Variants in NSMCE2 observed in about 807,000 individuals in gnomAD.
NSMCE2 encodes NSE2 SUMO ligase component of SMC5/6 complex, also known as E3 SUMO-protein ligase NSE2.
In NSMCE2, 24 loss-of-function variants were observed where a neutral mutation model predicts 23.8. The ratio of observed to expected loss-of-function variants is 1.01; its 90% CI spans 0.73 to 1.42. The LOEUF (loss-of-function observed/expected upper bound fraction) is 1.42, where lower values mean the gene tolerates loss of function less well. Ranked by LOEUF, NSMCE2 falls within the 40% of genes most tolerant of loss-of-function variation. The pLI, the probability that NSMCE2 is intolerant of heterozygous loss-of-function variation, is 0.00. For missense variants in NSMCE2, 284 were observed against 296.5 expected, an observed-to-expected ratio of 0.96 and a Z score of 0.31; for synonymous variants, 92 against 94.1, an observed-to-expected ratio of 0.98 and a Z score of 0.13.
chr8:125,232,185 A>G (rs1247693546), intron 5 of NSMCE2, among the ~76,000 whole-genome samples: 5 of 151,894 alleles, frequency 3.3e-5, no homozygotes, highest in African/African-American at 1.2e-4. Flanking sequence ...ACATGGAGAA[A>G]TCCCGTCTGT....
rs115688911 is a variant in NSMCE2 at position 125,105,051 on chromosome 8, G to C, written c.157+2564G>C. ...AACTCCCTTGGATTCCTCCTCCCTT[G>C]CGCAGGGAGGAGGCCATTGCAAGAC... On this transcript the variant is annotated intron_variant, in intron 3 of 7. Coordinates refer to ENST00000287437, the MANE Select transcript of NSMCE2 (RefSeq NM_173685.4). Among the ~76,000 whole-genome samples, 1,351 of 152,288 alleles carry C rather than the reference G, an allele frequency of 8.9e-3. 22 individuals are homozygous for C. The highest frequency in any genetic ancestry group is 0.03 in the African/African-American group (1,246 of 41,570).
chr8:125,110,328 A>G (rs1161909382), intron 3 of NSMCE2, among the ~76,000 whole-genome samples: 1 of 152,224 alleles, frequency 6.6e-6, no homozygotes, highest in East Asian at 1.9e-4. Context: ...AGTTTTCTCT[A>G]TATATTGCTT....
At chr8:125,310,190 G>A (rs1416082006) in intron 5 of NSMCE2, among the ~76,000 whole-genome samples, 2 of 152,188 alleles carry the variant, frequency 1.3e-5, no homozygotes, top group Non-Finnish European at 2.9e-5. Flanking sequence ...GGGCACCTAG[G>A]AAGACTGACT....
chr8:125,230,728 C>T (rs908951684), intron 5 of NSMCE2, among the ~76,000 whole-genome samples: 2 of 152,160 alleles, frequency 1.3e-5, no homozygotes, highest in African/African-American at 4.8e-5. Context: ...CAGTCTAGGT[C>T]AAGTTCACAA....
rs189778545 is a variant in NSMCE2 at position 125,357,205 on chromosome 8, C to G, written c.419-14C>G. 1.3e-6 allele frequency: 2 copies of G among 1,533,556 alleles called. No individual in the cohort carries two copies. The highest frequency in any genetic ancestry group is 4.5e-5 in the East Asian group (2 of 44,484). The allele number at this position is 1,533,556 out of a possible 1,614,324, so 95.0% of individuals were successfully genotyped here. On this transcript the variant is annotated splice_polypyrimidine_tract_variant and intron_variant, in intron 5 of 7. Coordinates refer to ENST00000287437, the MANE Select transcript of NSMCE2 (RefSeq NM_173685.4). ...TAGACCAGAGAGGCTTATCAACTCT[C>G]CATTTTCCTCTAGGTGGTCTTCAAG...
chr8:125,267,208 G>A (rs906739859), intron 5 of NSMCE2, among the ~76,000 whole-genome samples: 24 of 151,706 alleles, frequency 1.6e-4, no homozygotes, highest in African/African-American at 4.6e-4. Flanking sequence ...GGGTTTCACC[G>A]TGTTGGCCAG....
intron 3 of NSMCE2, among the ~76,000 whole-genome samples, chr8:125,113,933 AT>A (rs1400237523): frequency 1.3e-5 from 2 of 152,128 alleles, no homozygotes; most frequent in Non-Finnish European, 2.9e-5. Context: ...ACTTTTATGA[AT>A]TTGATAGGAT....
chr8:125,115,816 C>G (rs1423043666), intron 3 of NSMCE2, among the ~76,000 whole-genome samples: 1 of 152,182 alleles, frequency 6.6e-6, no homozygotes, highest in Non-Finnish European at 1.5e-5. Context: ...GCTGATGCAA[C>G]TGTTTACAAA....
intron 5 of NSMCE2, among the ~76,000 whole-genome samples, chr8:125,250,075 C>T (rs1826140220): frequency 6.6e-6 from 1 of 152,110 alleles, no homozygotes; most frequent in Admixed American, 6.5e-5. Flanking sequence ...CTGCAACCTC[C>T]GTCTCCTGGG....
intron 7 of NSMCE2, among the ~76,000 whole-genome samples, chr8:125,365,151 A>G (rs1315280142): frequency 6.6e-6 from 1 of 151,876 alleles, no homozygotes; most frequent in African/African-American, 2.4e-5. Context: ...TAGGAGGGCT[A>G]CTGGGCATCC....
At chr8:125,223,806 CTTTT>C (rs777644019) in intron 5 of NSMCE2, among the ~76,000 whole-genome samples, 63 of 107,948 alleles carry the variant, frequency 5.8e-4, no homozygotes, top group African/African-American at 2.2e-3. Flanking sequence ...GGTCCTTTGC[CTTTT>C]TTTTTTTTTT....
At chr8:125,125,217 A>G (rs1819455592) in intron 3 of NSMCE2, among the ~76,000 whole-genome samples, 1 of 152,046 alleles carries the variant, frequency 6.6e-6, no homozygotes, top group South Asian at 2.1e-4. Context: ...TACAATGTTG[A>G]GTAAAAGTGT....
Position 125,151,247 on chromosome 8 carries a change from T to G in NSMCE2, c.234T>G (p.Tyr78Ter). The G allele has an allele frequency of 6.3e-7, 1 of 1,599,458 alleles. No homozygotes were observed. The highest frequency in any genetic ancestry group is 8.6e-7 in the Non-Finnish European group (1 of 1,167,314). ...FATLDRQLNH[Y>*]VKAVQSTINH... Reference sequence around the variant, plus strand: ...CATTGGATCGGCAACTAAACCATTATGTAAAGGCTGTTCAATCTACAATAA... The same window carrying G: ...CATTGGATCGGCAACTAAACCATTAGGTAAAGGCTGTTCAATCTACAATAA... Residue 78 changes from tyrosine (Y) to a stop codon, truncating the protein, a stop_gained, in exon 4 of 8, where the codon TAT becomes TAG. Coordinates refer to ENST00000287437, the MANE Select transcript of NSMCE2 (RefSeq NM_173685.4). LOFTEE classifies it high-confidence loss of function.
intron 2 of NSMCE2, 38 bp downstream of exon 2, chr8:125,102,184 T>C: frequency 1.5e-6 from 1 of 653,310 alleles, no homozygotes; most frequent in Non-Finnish European, 2.7e-6. Context: ...CTCTATAGGA[T>C]ATACAGAATA....
At chr8:125,122,685 T>C (rs186569492) in intron 3 of NSMCE2, among the ~76,000 whole-genome samples, 3 of 152,224 alleles carry the variant, frequency 2.0e-5, no homozygotes, top group Non-Finnish European at 4.4e-5. Flanking sequence ...CTTGGGTTCC[T>C]CTTTGTTTGT....
At chr8:125,137,935 T>C (rs766600700) in intron 3 of NSMCE2, among the ~76,000 whole-genome samples, 4 of 152,242 alleles carry the variant, frequency 2.6e-5, no homozygotes, top group Non-Finnish European at 5.9e-5. Flanking sequence ...ACATAGTATG[T>C]GCTCAATAGA....
intron 3 of NSMCE2, among the ~76,000 whole-genome samples, chr8:125,129,771 ATCTC>A (rs1554605771): frequency 6.6e-6 from 1 of 151,872 alleles, no homozygotes; most frequent in Non-Finnish European, 1.5e-5. Context: ...TCATTTTGCA[ATCTC>A]TCTCTATCCT....
At chr8:125,272,846 T>TTC in intron 5 of NSMCE2, among the ~76,000 whole-genome samples, 1 of 139,756 alleles carries the variant, frequency 7.2e-6, no homozygotes, top group South Asian at 2.2e-4. Context: ...CACACGTATA[T>TTC]ACACACACAC....
chr8:125,322,635 A>G (rs1301430089), intron 5 of NSMCE2, among the ~76,000 whole-genome samples: 2 of 152,230 alleles, frequency 1.3e-5, no homozygotes, highest in African/African-American at 4.8e-5. Context: ...AAGGTAAGAA[A>G]AAGCAATAAA....
Sources: gnomAD v4.1 joint callset for allele counts (sites outside exome capture counted in the v4.1 genomes callset) on GRCh38, gnomAD v4.1.1 for gene constraint, MANE v1.5 for transcripts, NCBI Gene and HGNC (gene_info 2026-07-23, HGNC 2026-07-21) for gene names.